The following OFD1 variants were observed in gnomAD, a reference collection of about 807,000 sequenced individuals.
OFD1 encodes centriole and centriolar satellite protein OFD1.
Under a neutral mutation model 81.4 loss-of-function variants are expected in OFD1, and 12 were observed. The ratio of observed to expected loss-of-function variants is 0.15; its 90% CI spans 0.09 to 0.24. The LOEUF (loss-of-function observed/expected upper bound fraction) is 0.24. Among genes scored for constraint, OFD1 ranks in the 10% least tolerant of loss-of-function variants. The probability of loss-of-function intolerance (pLI) is 1.00; values close to 1 mark genes in which losing one functional copy is unlikely to be tolerated. For missense variants in OFD1, 685 were observed against 733.9 expected, an observed-to-expected ratio of 0.93 and a Z score of 0.77; for synonymous variants, 256 against 263.7, an observed-to-expected ratio of 0.97 and a Z score of 0.28.
chrX:13,722,001 TGGA>T, the OFD1 span: 1 of 108,404 alleles, frequency 9.2e-6, no homozygotes, highest in East Asian at 2.8e-4. Context: ...ACAGAAAAAG[TGGA>T]TAACAAAGAC....
At chrX:13,722,563 G>A in the OFD1 span, among the ~76,000 whole-genome samples, 2 of 111,829 alleles carry the variant, frequency 1.8e-5, no homozygotes, top group African/African-American at 6.5e-5. Context: ...GACAGGTGAA[G>A]TGGAAGAACT....
chrX:13,728,550 GC>G, the OFD1 span, among the ~76,000 whole-genome samples: 1 of 111,646 alleles, frequency 9.0e-6, no homozygotes, highest in Non-Finnish European at 1.9e-5. Context: ...AAATTCAACA[GC>G]CCTTCATGTT....
intron 8 of OFD1, 141 bp downstream of exon 8, chrX:13,747,094 A>G (rs2047325731): frequency 1.7e-6 from 1 of 575,338 alleles, no homozygotes; most frequent in South Asian, 2.6e-5. Flanking sequence ...GTGCAAATAG[A>G]AGGATGGTCC....
At chrX:13,716,435 G>A in the OFD1 span, 3 of 1,026,634 alleles carry the variant, frequency 2.9e-6, no homozygotes, top group Non-Finnish European at 4.1e-6. Flanking sequence ...ACCTGACTGT[G>A]AAGTCTACAG....
chrX:13,756,840 TTTGTAC>T, intron 13 of OFD1, 73 bp downstream of exon 13: 1 of 800,694 alleles, frequency 1.2e-6, no homozygotes, highest in South Asian at 2.1e-5. Context: ...AAAACTATGC[TTTGTAC>T]TTGTATAAGG....
At chrX:13,732,478 G>A (rs148578112), upstream of OFD1, among the ~76,000 whole-genome samples, 643 of 113,043 alleles carry the variant, frequency 5.7e-3, 5 homozygotes, top group African/African-American at 0.019. Flanking sequence ...GGTAGTGACT[G>A]CCAGGAACTG....
At chrX:13,763,687 C>A (rs755491814) in intron 18 of OFD1, 58 bp from the exon 19 acceptor site, 2 of 954,749 alleles carry the variant, frequency 2.1e-6, no homozygotes, top group Admixed American at 2.2e-5. Flanking sequence ...CACTGCACTG[C>A]CCTTCTTTGT....
At chrX:13,721,016 G>C in the OFD1 span, 1 of 73,832 alleles carries the variant, frequency 1.4e-5, no homozygotes, top group East Asian at 4.2e-4. Flanking sequence ...GACAAAATGA[G>C]ACCCTGTCTC....
At chrX:13,764,841 C>G (rs548446668) in intron 19 of OFD1, among the ~76,000 whole-genome samples, 185 of 111,475 alleles carry the variant, frequency 1.7e-3, no homozygotes, top group South Asian at 0.012. Context: ...TTGCTCAGCG[C>G]TGAGCATATA....
the OFD1 span, chrX:13,716,361 A>T: frequency 3.2e-6 from 2 of 619,741 alleles, no homozygotes; most frequent in Non-Finnish European, 5.0e-6. Flanking sequence ...ATTAGCTATT[A>T]AACAAAATGT....
downstream of OFD1, among the ~76,000 whole-genome samples, chrX:13,770,182 G>C (rs762433462): frequency 5.3e-5 from 6 of 112,304 alleles, no homozygotes; most frequent in Non-Finnish European, 7.5e-5. Flanking sequence ...GAGGCTGCTT[G>C]TGATTTTATC....
intron 17 of OFD1, among the ~76,000 whole-genome samples, chrX:13,761,683 G>T (rs1490412196): frequency 8.9e-6 from 1 of 111,781 alleles, no homozygotes; most frequent in Non-Finnish European, 1.9e-5. Context: ...ATTCAAACGT[G>T]GTAGCAGGCT....
At chrX:13,773,477 T>C, downstream of OFD1, 1 of 112,949 alleles carries the variant, frequency 8.9e-6, no homozygotes, top group Middle Eastern at 4.5e-3. Flanking sequence ...ACAATGTTTA[T>C]TTTGAGTAAA....
chrX:13,760,643 G>C lies in OFD1; in HGVS notation c.2183G>C (p.Gly728Ala). 2.5e-6 allele frequency: 3 copies of C among 1,211,011 alleles called. No homozygotes were observed. The highest frequency in any genetic ancestry group is 3.4e-6 in the Non-Finnish European group (3 of 894,862). Residue 728 changes from glycine to alanine, a missense_variant, in exon 16 of 23, where the codon GGC (glycine) becomes GCC (alanine). Gly to Ala is a moderately conservative substitution (Grantham distance 60, BLOSUM62 0). Transcript: ENST00000340096. ...AGTGCAGCCTCGAGGCTCCGCGGGG[G>C]CACTTCCTCCAGACGCCTCTCTTCC... ...TGSAASRLRG[G>A]TSSRRLSSTP...
At chrX:13,720,090 A>G in the OFD1 span, 4 of 553,042 alleles carry the variant, frequency 7.2e-6, no homozygotes, top group Non-Finnish European at 1.1e-5. Context: ...GACATTGTAG[A>G]GGAAGATGCT....
Position 13,757,788 on chromosome X carries a change from G to A in OFD1, c.1540G>A (p.Glu514Lys), listed in dbSNP as rs777136773. 4.1e-6 allele frequency: 5 copies of A among 1,208,638 alleles called. No individual in the cohort carries two copies. In the East Asian group the frequency reaches 8.9e-5, roughly 21 times the overall value. Residue 514 changes from glutamate to lysine, a missense_variant and splice_region_variant, in exon 14 of 23, where the codon GAA becomes AAA. This residue lies in a region of OFD1 where 414 missense variants were observed against 447.2 expected (regional missense o/e 0.93). Transcript: ENST00000340096. ...AGCTCTGCACAAACAACTGCAAGACGAAGTGAGTATTGCTCTTCTTCAGTT... is the reference window on the plus strand; with the variant it reads ...AGCTCTGCACAAACAACTGCAAGACAAAGTGAGTATTGCTCTTCTTCAGTT... ...RQALHKQLQD[E>K]IEHSAQLKAQ...
At chrX:13,728,439 G>C in the OFD1 span, among the ~76,000 whole-genome samples, 5 of 112,010 alleles carry the variant, frequency 4.5e-5, no homozygotes, top group African/African-American at 9.8e-5. Context: ...TGCAAGGCTG[G>C]TTCAACATAC....
chrX:13,769,992 T>A (rs2048270054), downstream of OFD1, among the ~76,000 whole-genome samples: 1 of 112,156 alleles, frequency 8.9e-6, no homozygotes, highest in South Asian at 3.7e-4. Context: ...TATGGAACCT[T>A]TGGTCCTCAT....
chrX:13,737,465 A>G (rs887418772), intron 3 of OFD1, among the ~76,000 whole-genome samples: 3 of 108,844 alleles, frequency 2.8e-5, no homozygotes, highest in Admixed American at 2.0e-4. Context: ...ATTCCCATAT[A>G]CCTGCTGCCC....
Sources: gnomAD v4.1 joint callset for allele counts (sites outside exome capture counted in the v4.1 genomes callset) on GRCh38, gnomAD v4.1.1 for gene constraint, gnomAD v4.1.1 regional missense constraint, MANE v1.5 for transcripts, NCBI Gene and HGNC (gene_info 2026-07-23, HGNC 2026-07-21) for gene names.